Variants in AUTS2 observed in about 807,000 individuals in gnomAD.
The protein encoded by AUTS2 is activator of transcription and developmental regulator AUTS2.
In AUTS2, 17 loss-of-function variants were observed where a neutral mutation model predicts 112.4. The observed-to-expected ratio is 0.15, with a 90% CI of 0.10 to 0.23. The LOEUF is 0.23. Among genes scored for constraint, AUTS2 ranks in the 10% least tolerant of loss-of-function variants. The probability of loss-of-function intolerance (pLI) is 1.00; values close to 1 mark genes in which losing one functional copy is unlikely to be tolerated. For missense variants in AUTS2, 1,510 were observed against 1,701.6 expected (o/e 0.89, Z 1.98); for synonymous variants, 751 against 702.7 (o/e 1.07, Z -1.09).
intron 5 of AUTS2, among the ~76,000 whole-genome samples, chr7:70,536,579 T>TTC (rs1467716325): frequency 7.0e-6 from 1 of 143,452 alleles, no homozygotes; most frequent in Non-Finnish European, 1.5e-5. Context: ...AGGCTTTTTT[T>TTC]TTTTTTTTTT....
chr7:69,996,912 A>G (rs1012243007), intron 2 of AUTS2, among the ~76,000 whole-genome samples: 54 of 139,636 alleles, frequency 3.9e-4, no homozygotes, highest in African/African-American at 1.5e-3. Flanking sequence ...GGGTTTTCCA[A>G]CCTGGCTCCT....
intron 1 of AUTS2, among the ~76,000 whole-genome samples, chr7:69,628,951 G>GGTCT (rs751190397): frequency 1.3e-5 from 2 of 152,166 alleles, no homozygotes; most frequent in South Asian, 4.1e-4. Context: ...CAGGATCTAA[G>GGTCT]GTCTTTATTG....
intron 5 of AUTS2, among the ~76,000 whole-genome samples, chr7:70,616,499 C>T (rs1300858611): frequency 6.6e-6 from 1 of 152,180 alleles, no homozygotes; most frequent in Non-Finnish European, 1.5e-5. Flanking sequence ...CTGTGTACTG[C>T]AGTTGCCATT....
At chr7:69,834,242 C>T (rs1483862683) in intron 1 of AUTS2, among the ~76,000 whole-genome samples, 2 of 152,106 alleles carry the variant, frequency 1.3e-5, no homozygotes, top group Non-Finnish European at 2.9e-5. Context: ...TACCCTAGTG[C>T]GTGCAATGAA....
chr7:70,735,485 G>A (rs1292452384), intron 6 of AUTS2, among the ~76,000 whole-genome samples: 3 of 152,198 alleles, frequency 2.0e-5, no homozygotes, highest in Non-Finnish European at 4.4e-5. Context: ...CGGGGGTGAT[G>A]CGGATGTTCC....
chr7:70,692,398 A>C (rs1808800770), intron 5 of AUTS2, among the ~76,000 whole-genome samples: 1 of 152,220 alleles, frequency 6.6e-6, no homozygotes, highest in African/African-American at 2.4e-5. Context: ...CAAAAGAAAC[A>C]ACCTTTTAAT....
rs114914999 is a variant in AUTS2 at position 70,656,364 on chromosome 7, T to C, written c.691-42205T>C. On this transcript the variant is annotated intron_variant, in intron 5 of 18. Transcript: ENST00000342771. ...CCAGTCTTAATTTCATGGAATAGTTTAAATATTATTTAATTCCATGGTCTA... is the reference window on the plus strand; with the variant it reads ...CCAGTCTTAATTTCATGGAATAGTTCAAATATTATTTAATTCCATGGTCTA... Among the ~76,000 whole-genome samples the C allele has an allele frequency of 3.3e-3, 504 of 152,272 alleles. 4 individuals are homozygous for C. The highest frequency in any genetic ancestry group is 0.012 in the African/African-American group (481 of 41,558).
At chr7:69,957,028 A>T (rs1034701380) in intron 2 of AUTS2, among the ~76,000 whole-genome samples, 2 of 151,164 alleles carry the variant, frequency 1.3e-5, no homozygotes, top group African/African-American at 4.9e-5. Context: ...ACGCCTGACT[A>T]AGTTTTTTCT....
At chr7:70,637,267 A>G (rs183554382) in intron 5 of AUTS2, among the ~76,000 whole-genome samples, 1 of 152,316 alleles carries the variant, frequency 6.6e-6, no homozygotes, top group African/African-American at 2.4e-5. Context: ...GATTGAGGCC[A>G]CTGGTTTGAT....
intron 5 of AUTS2, among the ~76,000 whole-genome samples, chr7:70,536,527 A>G (rs1800324267): frequency 6.8e-6 from 1 of 147,994 alleles, no homozygotes; most frequent in African/African-American, 2.5e-5. Context: ...AACCAGATTC[A>G]ATGATCTGAT....
intron 1 of AUTS2, among the ~76,000 whole-genome samples, chr7:69,870,438 A>ATG (rs1793430564): frequency 5.7e-5 from 1 of 17,586 alleles, no homozygotes; most frequent in Admixed American, 6.8e-4. Flanking sequence ...ATCTGTGCGT[A>ATG]TGTGTGTGTA....
At chr7:70,786,538 G>T (rs181284205) in intron 17 of AUTS2, among the ~76,000 whole-genome samples, 8 of 152,212 alleles carry the variant, frequency 5.3e-5, no homozygotes, top group Non-Finnish European at 1.0e-4. Context: ...GGACTCTGCA[G>T]CTTTCTACTA....
chr7:70,494,787 G>A lies in AUTS2; in HGVS notation c.690+59006G>A, dbSNP rs545168977. Among the ~76,000 whole-genome samples, 7 of 152,212 alleles carry A rather than the reference G, an allele frequency of 4.6e-5. No homozygotes were observed. In the East Asian group the frequency reaches 7.7e-4, roughly 17 times the overall value. ...AAAGTTCAAAAAGTAAACATCACAG[G>A]TTGACATCCCAGCCCAAAGCTGAGG... On this transcript the variant is annotated intron_variant, in intron 5 of 18. Transcript: ENST00000342771.
At chr7:70,769,495 C>A (rs1790190556) in intron 10 of AUTS2, among the ~76,000 whole-genome samples, 1 of 152,186 alleles carries the variant, frequency 6.6e-6, no homozygotes, top group African/African-American at 2.4e-5. Flanking sequence ...ACCATCCTGG[C>A]TAACACGGTG....
intron 4 of AUTS2, among the ~76,000 whole-genome samples, chr7:70,257,399 T>C (rs943569909): frequency 1.3e-5 from 2 of 152,080 alleles, no homozygotes; most frequent in South Asian, 2.1e-4. Flanking sequence ...CTCACTGCAA[T>C]CTCCGCCTCC....
chr7:70,487,778 C>T (rs752890595), intron 5 of AUTS2, among the ~76,000 whole-genome samples: 2 of 152,114 alleles, frequency 1.3e-5, no homozygotes, highest in Non-Finnish European at 2.9e-5. Context: ...AAGCAAGATT[C>T]AAGGAGAGTA....
intron 6 of AUTS2, among the ~76,000 whole-genome samples, chr7:70,748,019 G>A (rs1788577651): frequency 1.5e-5 from 2 of 137,732 alleles, no homozygotes. Context: ...TAGTAGAGAT[G>A]GGGTTTCACC....
intron 2 of AUTS2, among the ~76,000 whole-genome samples, chr7:70,038,250 T>A (rs1186195953): frequency 6.6e-6 from 1 of 152,144 alleles, no homozygotes; most frequent in Non-Finnish European, 1.5e-5. Context: ...GGGAACTTTC[T>A]TCATCACATC....
intron 1 of AUTS2, among the ~76,000 whole-genome samples, chr7:69,716,136 A>G (rs1351182391): frequency 6.6e-6 from 1 of 152,134 alleles, no homozygotes; most frequent in Non-Finnish European, 1.5e-5. Context: ...CTGTCAAATG[A>G]TAAGATTGAC....
Sources: allele counts gnomAD v4.1 joint callset (sites outside exome capture counted in the v4.1 genomes callset), GRCh38; gene constraint gnomAD v4.1.1; transcripts MANE v1.5; gene names NCBI Gene and HGNC (gene_info 2026-07-23, HGNC 2026-07-21).